The following PCDHGA4 variants were observed in gnomAD, a reference collection of about 807,000 sequenced individuals.
PCDHGA4 encodes protocadherin gamma-A4.
PCDHGA4 carries 38 observed loss-of-function variants against 54.6 expected under a neutral mutation model. The observed-to-expected ratio is 0.70, with a 90% CI of 0.54 to 0.91. The LOEUF (loss-of-function observed/expected upper bound fraction) is 0.91, where lower values mean the gene tolerates loss of function less well. Among genes scored for constraint, PCDHGA4 ranks in the 40% least tolerant of loss-of-function variants. The pLI, the probability that PCDHGA4 is intolerant of heterozygous loss-of-function variation, is 0.00. For synonymous variants in PCDHGA4, 511 were observed against 512.9 expected (o/e 1.00, Z 0.05); for missense variants, 1,298 against 1,220.9 (o/e 1.06, Z -0.94).
intron 1 of PCDHGA4, chr5:141,383,561 C>A: frequency 5.0e-6 from 8 of 1,613,196 alleles, no homozygotes; most frequent in Non-Finnish European, 6.8e-6. Context: ...GGCGACCCGC[C>A]CCGATCCAGC....
chr5:141,410,036 A>G, intron 1 of PCDHGA4: 1 of 1,613,240 alleles, frequency 6.2e-7, no homozygotes, highest in Non-Finnish European at 8.5e-7. Flanking sequence ...GCTGCAGGCC[A>G]GTGAGCCCGG....
At chr5:141,479,200 AAAGT>A (rs1430087636) in intron 1 of PCDHGA4, 5 of 152,466 alleles carry the variant, frequency 3.3e-5, no homozygotes, top group African/African-American at 1.2e-4. Flanking sequence ...AAAATACAGA[AAAGT>A]ATTTAAAAAA....
chr5:141,422,211 CTT>C (rs1339862278), intron 1 of PCDHGA4: 1 of 1,563,166 alleles, frequency 6.4e-7, no homozygotes, highest in African/African-American at 1.4e-5. Context: ...GTGGAGGTCT[CTT>C]TACCACCACG....
At chr5:141,390,532 T>C (rs1413146925) in intron 1 of PCDHGA4, 1 of 531,632 alleles carries the variant, frequency 1.9e-6, no homozygotes, top group Admixed American at 3.5e-5. Context: ...GGTGTGGTTT[T>C]AACCACAAAG....
chr5:141,376,796 C>G (rs1030059088), intron 1 of PCDHGA4: 1 of 345,194 alleles, frequency 2.9e-6, no homozygotes, highest in South Asian at 3.6e-5. Flanking sequence ...ACGCCATTCT[C>G]CTGCCTCAGC....
chr5:141,404,372 G>A (rs747130914), intron 1 of PCDHGA4: 7 of 1,613,844 alleles, frequency 4.3e-6, no homozygotes, highest in South Asian at 1.1e-5. Context: ...CATCTTCTCC[G>A]TGATTGCCTA....
chr5:141,375,735 T>G, intron 1 of PCDHGA4: 1 of 1,614,254 alleles, frequency 6.2e-7, no homozygotes. Flanking sequence ...CTGAGCCTGT[T>G]TGTGCTGGAC....
chr5:141,478,428 C>T (rs2154576655), intron 1 of PCDHGA4: 1 of 1,613,746 alleles, frequency 6.2e-7, no homozygotes, highest in Non-Finnish European at 8.5e-7. Flanking sequence ...CGCAGCGACC[C>T]GCTGCTGAAG....
At chr5:141,415,653 G>T in intron 1 of PCDHGA4, 1 of 1,539,362 alleles carries the variant, frequency 6.5e-7, no homozygotes, top group Non-Finnish European at 8.8e-7. Context: ...AAAAAAAAAA[G>T]ATTGGTTTTT....
At chr5:141,418,357 G>T (rs375883635) in intron 1 of PCDHGA4, 2 of 1,613,864 alleles carry the variant, frequency 1.2e-6, no homozygotes, top group African/African-American at 2.7e-5. Flanking sequence ...GTATGAATTC[G>T]CTGAGCAAAT....
rs775752238 is a variant in PCDHGA4 at position 141,361,764 on chromosome 5, C to T, written c.2514+4143C>T. On this transcript the variant is annotated intron_variant, in intron 1 of 3. Coordinates refer to ENST00000571252, the MANE Select transcript of PCDHGA4 (RefSeq NM_018917.4). ...GCGACCAGGGCTCGCCCGCGCTCAG[C>T]GCCAACGTGAGCCTGCGCGTGTTAG... 9 of 1,613,132 alleles carry T rather than the reference C, an allele frequency of 5.6e-6. No individual in the cohort carries two copies. The Admixed American group carries it at 1.5e-4, about 27-fold the overall frequency.
intron 1 of PCDHGA4, chr5:141,385,170 C>A (rs1561606866): frequency 4.3e-6 from 7 of 1,614,212 alleles, no homozygotes; most frequent in Non-Finnish European, 5.9e-6. Flanking sequence ...CCCATGAGGT[C>A]TCCCTCACCG....
intron 1 of PCDHGA4, among the ~76,000 whole-genome samples, chr5:141,483,203 A>T (rs940487337): frequency 1.3e-5 from 2 of 152,204 alleles, no homozygotes; most frequent in African/African-American, 2.4e-5. Flanking sequence ...ATTTTATTCC[A>T]TATAGATGAC....
At chr5:141,420,473 G>A (rs1016985115) in intron 1 of PCDHGA4, 8 of 707,118 alleles carry the variant, frequency 1.1e-5, no homozygotes, top group Non-Finnish European at 1.6e-5. Flanking sequence ...ACATTTTAAA[G>A]CAAACTACAT....
intron 1 of PCDHGA4, among the ~76,000 whole-genome samples, chr5:141,382,372 T>C (rs1402923188): frequency 6.6e-6 from 1 of 152,242 alleles, no homozygotes; most frequent in Non-Finnish European, 1.5e-5. Context: ...TTTACCTTTT[T>C]GCCTTCAATA....
intron 1 of PCDHGA4, chr5:141,385,463 T>A: frequency 6.9e-7 from 1 of 1,443,350 alleles, no homozygotes; most frequent in Non-Finnish European, 9.1e-7. Flanking sequence ...TTTCCTTCAG[T>A]GGTGACACTT....
Position 141,356,285 on chromosome 5 carries a change from C to T in PCDHGA4, c.1178C>T (p.Pro393Leu). 6.4e-7 allele frequency: 1 copy of T among 1,556,606 alleles called. No individual in the cohort carries two copies. The stretch of plus-strand genomic sequence containing the variant: ...AGCTCAGTCCAGGAATCTTCTTCCC[C>T]GGGTACAGTAATTGCACTTTTCAAC... Reference protein sequence around the residue: ...LTSSVQESSSPGTVIALFNVH... With the variant: ...LTSSVQESSSLGTVIALFNVH... Residue 393 changes from proline to leucine, a missense_variant, in exon 1 of 4, where the codon CCG becomes CTG. Pro to Leu is a moderately conservative substitution (Grantham distance 98, BLOSUM62 -3). Transcript: ENST00000571252.
chr5:141,385,687 C>T, intron 1 of PCDHGA4: 1 of 334,978 alleles, frequency 3.0e-6, no homozygotes, highest in Non-Finnish European at 4.4e-6. Context: ...GCTGTCTTCT[C>T]AGGATTCTCT....
At chr5:141,374,459 A>T (rs764751595) in intron 1 of PCDHGA4, 1 of 1,613,448 alleles carries the variant, frequency 6.2e-7, no homozygotes, top group South Asian at 1.1e-5. Context: ...AATAGTGGAC[A>T]TTAATGACAA....
Sources: gnomAD v4.1 joint callset for allele counts (sites outside exome capture counted in the v4.1 genomes callset) on GRCh38, gnomAD v4.1.1 for gene constraint, MANE v1.5 for transcripts, NCBI Gene and HGNC (gene_info 2026-07-23, HGNC 2026-07-21) for gene names.